Variants in LIPE observed in about 807,000 individuals in gnomAD.
LIPE encodes the protein lipase E, hormone sensitive type, also known as hormone-sensitive lipase.
A neutral mutation model predicts 88.5 loss-of-function variants in LIPE; 66 were observed. That is an observed-to-expected ratio of 0.75 (90% CI 0.61 to 0.91). LIPE has a LOEUF of 0.91. LIPE is among the 40% of genes least tolerant of loss of function. LIPE has a pLI of 0.00. For synonymous variants in LIPE, 570 were observed against 617.5 expected, an observed-to-expected ratio of 0.92 and a Z score of 1.14; for missense variants, 1,346 against 1,434.7, an observed-to-expected ratio of 0.94 and a Z score of 1.00.
At position 42,406,102 on chromosome 19, in the gene LIPE, C is replaced by T; in HGVS notation, c.2365+59G>A. On this transcript the variant is annotated intron_variant, in intron 7 of 9. Transcript: ENST00000244289. This position sits in a 1 kb window ranked among gnomAD's most constrained non-coding sequence, Gnocchi z 5.7. ...ACAGGAGTCCTGGTCCCCAGCCCGT[C>T]CCTGCAGGAGTCAGACATCCATGCA... 1 of 1,455,584 alleles carries T rather than the reference C, an allele frequency of 6.9e-7. No individual in the cohort carries two copies. The highest frequency in any genetic ancestry group is 9.5e-7 in the Non-Finnish European group (1 of 1,056,238). The allele number at this position is 1,455,584 out of a possible 1,614,324, so 90.2% of individuals were successfully genotyped here. A position where few individuals can be genotyped will look rare whatever the true frequency, so the allele number is the denominator to read the frequency against.
Position 42,406,013 on chromosome 19 carries a change from CA to C in LIPE, c.2365+147del, listed in dbSNP as rs2040169360. On this transcript the variant is annotated intron_variant, in intron 7 of 9. Coordinates refer to ENST00000244289, the MANE Select transcript of LIPE (RefSeq NM_005357.4). This position sits in a 1 kb window ranked among gnomAD's most constrained non-coding sequence, Gnocchi z 5.7. Reference sequence around the variant, plus strand: ...ACACACACACACACACACACACACACACACACGAAAAAAAAGGGACAAGGAG... The same window carrying C: ...ACACACACACACACACACACACACACCACACGAAAAAAAAGGGACAAGGAG... 1 of 624,858 alleles carries C rather than the reference CA, an allele frequency of 1.6e-6. No individual in the cohort carries two copies. Among genetic ancestry groups the C allele is most frequent in the African/African-American group, 2.3e-5 (1 of 43,930 alleles). The allele number at this position is 624,858 out of a possible 1,614,324, so 38.7% of individuals were successfully genotyped here.
intron 1 of LIPE, among the ~76,000 whole-genome samples, chr19:42,415,759 G>A (rs1353792193): frequency 1.3e-5 from 2 of 151,404 alleles, no homozygotes; most frequent in African/African-American, 4.9e-5. Flanking sequence ...GTAGTGAGCC[G>A]AGATCGCGCC....
intron 1 of LIPE, among the ~76,000 whole-genome samples, chr19:42,416,314 A>G (rs985973909): frequency 1.3e-5 from 2 of 152,180 alleles, no homozygotes; most frequent in African/African-American, 4.8e-5. Flanking sequence ...ATTGCACTCC[A>G]GCCTGAGCAA....
chr19:42,426,815 G>T lies in LIPE; in HGVS notation c.335C>A (p.Ala112Asp). 6.2e-7 allele frequency: 1 copy of T among 1,614,114 alleles called. No individual in the cohort carries two copies. The highest frequency in any genetic ancestry group is 8.5e-7 in the Non-Finnish European group (1 of 1,179,994). Residue 112 changes from alanine (A) to aspartate (D), a missense_variant, in exon 1 of 10, where the codon GCC (alanine) becomes GAC (aspartate). Transcript: ENST00000244289. Reference sequence around the variant, plus strand: ...TCCTAGCCCAGGTCCCTGCTGGGAGGCAGCTTCCTGTTGAGTGAGCAGCAC... The same window carrying T: ...TCCTAGCCCAGGTCCCTGCTGGGAGTCAGCTTCCTGTTGAGTGAGCAGCAC... ...QRVLLTQQEA[A>D]SQQGPGLGKE...
At chr19:42,402,343 T>C (rs1285404439) in intron 9 of LIPE, among the ~76,000 whole-genome samples, 1 of 152,064 alleles carries the variant, frequency 6.6e-6, no homozygotes, top group Non-Finnish European at 1.5e-5. Context: ...CCCACCTTTT[T>C]TTTCTCTTGA....
At chr19:42,419,367 C>G (rs1007983537) in intron 1 of LIPE, among the ~76,000 whole-genome samples, 1 of 152,204 alleles carries the variant, frequency 6.6e-6, no homozygotes, top group Non-Finnish European at 1.5e-5. Flanking sequence ...GGGGAAGGGG[C>G]TGGACCCAGG....
chr19:42,406,384 T>G lies in LIPE; in HGVS notation c.2142A>C (p.Ser714=). 1 of 1,612,236 alleles carries G rather than the reference T, an allele frequency of 6.2e-7. No individual in the cohort carries two copies. The highest frequency in any genetic ancestry group is 8.5e-7 in the Non-Finnish European group (1 of 1,178,380). The change falls in exon 7 of 10, where the codon TCA becomes TCC. Residue 714 remains serine (S), a synonymous_variant. Transcript: ENST00000244289. This position sits in a 1 kb window ranked among gnomAD's most constrained non-coding sequence, Gnocchi z 5.7. ...WAIKHCALLG[S]TGERICLAGD... ...CCGCAAGGCAGATTCGTTCCCCTGT[T>G]GAGCCTGGTTTGGGAGAGGGGTGGT...
At position 42,402,082 on chromosome 19, in the gene LIPE, G is replaced by C. The variant is rs774783254; in HGVS notation, c.2968-7C>G. ...TGGGGTCCAGCGCGCACGCCTACGG[G>C]ACAGCGGGGAGGGACGTGGAGAGAG... is the stretch of plus-strand genomic sequence containing the variant. On this transcript the variant is annotated splice_region_variant and splice_polypyrimidine_tract_variant and intron_variant, in intron 9 of 9. Coordinates refer to ENST00000244289, the MANE Select transcript of LIPE (RefSeq NM_005357.4). 3 of 1,471,914 alleles carry C rather than the reference G, an allele frequency of 2.0e-6. No individual in the cohort carries two copies. The East Asian group carries it at 8.1e-5, about 40-fold the overall frequency. 91.2% of individuals were successfully genotyped at this position (1,471,914 alleles called of 1,614,324 possible). A position where few individuals can be genotyped will look rare whatever the true frequency, so the allele number is the denominator to read the frequency against.
Position 42,401,942 on chromosome 19 carries a change from C to T in LIPE, c.3101G>A (p.Arg1034His), listed in dbSNP as rs755298033. 8 of 1,555,830 alleles carry T rather than the reference C, an allele frequency of 5.1e-6. No individual in the cohort carries two copies. The African/African-American group carries it at 8.2e-5, about 16-fold the overall frequency. ...CAGCTCTGCGGCCTGGCGCGTCTCG[C>T]GGCACAGCGCCGCTAGGGTCAGGAA... ...HGFLTLAALC[R>H]ETRQAAELCV... Residue 1034 changes from arginine to histidine, a missense_variant, in exon 10 of 10, where the codon CGC becomes CAC. Coordinates refer to ENST00000244289, the MANE Select transcript of LIPE (RefSeq NM_005357.4).
intron 1 of LIPE, among the ~76,000 whole-genome samples, chr19:42,413,903 A>G (rs2040435134): frequency 6.6e-6 from 1 of 152,176 alleles, no homozygotes. Context: ...AGCTCAGGAG[A>G]GGACGGCCCC....
rs1568611893 is a variant in LIPE, at chr19:42,420,593, C to T, written c.883+5674G>A. Among the ~76,000 whole-genome samples, 4 of 152,088 alleles carry T rather than the reference C, an allele frequency of 2.6e-5. 1 individual carries two copies. The East Asian group carries it at 5.8e-4, about 22-fold the overall frequency. On this transcript the variant is annotated intron_variant, in intron 1 of 9. Coordinates refer to ENST00000244289, the MANE Select transcript of LIPE (RefSeq NM_005357.4). ...TCCTGGCCACCTCCCCACCCCCCAA[C>T]TCCCATGCAATCCATCCCCTAGTCC... is the stretch of plus-strand genomic sequence containing the variant.
Position 42,426,704 on chromosome 19 carries a change from GCTGGAGGTGGCTCTC to G in LIPE, c.431_445del (p.Gly144_Pro148del). On this transcript the variant is annotated inframe_deletion, in exon 1 of 10. Coordinates refer to ENST00000244289, the MANE Select transcript of LIPE (RefSeq NM_005357.4). ...AGGTGTTGATTCAGCTTCTTGTTGAGCTGGAGGTGGCTCTCCTGGCCCAGGCCCTGGCTGGGCTAC... is the reference window on the plus strand; with the variant it reads ...AGGTGTTGATTCAGCTTCTTGTTGAGCTGGCCCAGGCCCTGGCTGGGCTAC... 2 of 1,614,198 alleles carry G rather than the reference GCTGGAGGTGGCTCTC, an allele frequency of 1.2e-6. No homozygotes were observed. The highest frequency in any genetic ancestry group is 2.2e-5 in the South Asian group (2 of 91,086).
chr19:42,402,122 A>G (rs1426063015), intron 9 of LIPE, 47 bp from the exon 10 acceptor site: 1 of 1,417,944 alleles, frequency 7.1e-7, no homozygotes, highest in Non-Finnish European at 9.2e-7. Context: ...GGGGACAGAC[A>G]GACCGGGGTC....
chr19:42,416,281 T>TTGCAGTGAG (rs949949333), intron 1 of LIPE, among the ~76,000 whole-genome samples: 4 of 152,098 alleles, frequency 2.6e-5, no homozygotes, highest in African/African-American at 9.7e-5. Flanking sequence ...GAGGCGGTGG[T>TTGCAGTGAG]TGCAGTGAGC....
Position 42,426,801 on chromosome 19 carries a change from G to A in LIPE, c.349C>T (p.Pro117Ser), listed in dbSNP as rs377205732. Reference protein sequence around the residue: ...TQQEAASQQGPGLGKESITQQ... With the variant: ...TQQEAASQQGSGLGKESITQQ... ...GTTATAGATTCTTTTCCTAGCCCAGGTCCCTGCTGGGAGGCAGCTTCCTGT... is the reference window on the plus strand; with the variant it reads ...GTTATAGATTCTTTTCCTAGCCCAGATCCCTGCTGGGAGGCAGCTTCCTGT... The change falls in exon 1 of 10, where the codon CCT (proline) becomes TCT (serine). Residue 117 changes from proline to serine, a missense_variant. Physicochemically the swap from Pro to Ser is moderately conservative, Grantham distance 74. Coordinates refer to ENST00000244289, the MANE Select transcript of LIPE (RefSeq NM_005357.4). 3.1e-6 allele frequency: 5 copies of A among 1,614,004 alleles called. No individual in the cohort carries two copies. The highest frequency in any genetic ancestry group is 4.2e-6 in the Non-Finnish European group (5 of 1,180,016).
Position 42,406,497 on chromosome 19 carries a change from TG to T in LIPE, c.2138-110del. 1.1e-6 allele frequency: 1 copy of T among 884,978 alleles called. No individual in the cohort carries two copies. The highest frequency in any genetic ancestry group is 1.8e-6 in the Non-Finnish European group (1 of 554,608). The allele number at this position is 884,978 out of a possible 1,614,324, so 54.8% of individuals were successfully genotyped here. On this transcript the variant is annotated intron_variant, in intron 6 of 9. Transcript: ENST00000244289. This position sits in a 1 kb window ranked among gnomAD's most constrained non-coding sequence, Gnocchi z 5.7. ...GAACTGGGCTCTCCAAGGTGGGGTG[TG>T]GGGCACTCCAAGGCCTAGCAGACTG...
rs2039998120 is a variant in LIPE, at chr19:42,402,144, GGAGGGGTTT to G, written c.2968-78_2968-70del. The G allele has an allele frequency of 4.4e-6, 6 of 1,378,450 alleles. No homozygotes were observed. In the African/African-American group the frequency reaches 6.1e-5, roughly 14 times the overall value. The allele number at this position is 1,378,450 out of a possible 1,614,324, so 85.4% of individuals were successfully genotyped here. On this transcript the variant is annotated intron_variant, in intron 9 of 9. Transcript: ENST00000244289. The stretch of plus-strand genomic sequence containing the variant: ...GACAGACCGGGGTCGGGTAGAGCGA[GGAGGGGTTT>G]GATGAACAAAGGGAGCGGGAAATAC...
intron 1 of LIPE, among the ~76,000 whole-genome samples, chr19:42,413,013 C>G (rs914922302): frequency 2.6e-5 from 4 of 152,238 alleles, no homozygotes; most frequent in Non-Finnish European, 4.4e-5. Flanking sequence ...TTACCCCTCT[C>G]AGCCCACCCT....
Position 42,410,433 on chromosome 19 carries a change from G to A in LIPE, c.1293C>T (p.Arg431=). ...CCCCCGGCCGATTGGTAACCAGCAG[G>A]CGCTGGGCGTAGTAGACCAGAGCGC... is the stretch of plus-strand genomic sequence containing the variant. ...QLRALVYYAQ[R]LLVTNRPGVL... is the part of the protein sequence containing the mutation. Residue 431 remains arginine, a synonymous_variant, in exon 2 of 10, where the codon CGC becomes CGT. Transcript: ENST00000244289. The surrounding 1 kb of genome is among the most constrained non-coding windows in gnomAD (Gnocchi z 6.1). 6.2e-7 allele frequency: 1 copy of A among 1,614,210 alleles called. No individual in the cohort carries two copies. The highest frequency in any genetic ancestry group is 8.5e-7 in the Non-Finnish European group (1 of 1,180,046).
Sources: allele counts gnomAD v4.1 joint callset (sites outside exome capture counted in the v4.1 genomes callset), GRCh38; gene constraint gnomAD v4.1.1; non-coding constraint Gnocchi (gnomAD v3.1); transcripts MANE v1.5; gene names NCBI Gene and HGNC (gene_info 2026-07-23, HGNC 2026-07-21).